Variants in CTNNA2 observed in about 807,000 individuals in gnomAD.
CTNNA2 encodes the protein catenin alpha-2.
CTNNA2 carries 42 observed loss-of-function variants against 101.0 expected under a neutral mutation model. The ratio of observed to expected loss-of-function variants is 0.42; its 90% CI spans 0.32 to 0.54. The LOEUF (loss-of-function observed/expected upper bound fraction) is 0.54. CTNNA2 is among the 20% of genes least tolerant of loss of function. The pLI is 0.14. For synonymous variants in CTNNA2, 450 were observed against 456.4 expected, an observed-to-expected ratio of 0.99 and a Z score of 0.18; for missense variants, 871 against 1,223.1, an observed-to-expected ratio of 0.71 and a Z score of 4.29.
intron 3 of CTNNA2, among the ~76,000 whole-genome samples, chr2:79,769,513 T>G (rs1336409370): frequency 6.6e-6 from 1 of 152,224 alleles, no homozygotes; most frequent in Admixed American, 6.5e-5. Flanking sequence ...GGATTATATA[T>G]ACCTGTTAAA....
In CTNNA2 at chr2:80,043,039, C is replaced by CTTT. The variant is rs1491375719; in HGVS notation, c.1056+133242_1056+133243insTTT. 1.7e-3 allele frequency among the ~76,000 whole-genome samples: 87 copies of CTTT among 50,466 alleles called. 13 individuals carry two copies. The highest frequency in any genetic ancestry group is 1.7e-3 in the Non-Finnish European group (44 of 26,018). The allele number at this position is 50,466 out of a possible 152,430, so 33.1% of individuals were successfully genotyped here. On this transcript the variant is annotated intron_variant, in intron 7 of 18. Coordinates refer to ENST00000402739, the MANE Select transcript of CTNNA2 (RefSeq NM_001282597.3). ...TTTCCCTTTCTTTCTTTCTTTCTTT[C>CTTT]CTTCTTTCTTTCTTTCTTTCTTTCT...
intron 7 of CTNNA2, among the ~76,000 whole-genome samples, chr2:80,343,960 C>T (rs1672474332): frequency 6.6e-6 from 1 of 152,100 alleles, no homozygotes. Context: ...CCTTTGGTAA[C>T]AAAACTTCTT....
Position 80,356,988 on chromosome 2 carries a change from G to A in CTNNA2, c.1057-36223G>A, listed in dbSNP as rs192149775. Among the ~76,000 whole-genome samples the A allele has an allele frequency of 2.0e-5, 3 of 152,342 alleles. No homozygotes were observed. The East Asian group carries it at 5.8e-4, about 29-fold the overall frequency. On this transcript the variant is annotated intron_variant, in intron 7 of 18. Coordinates refer to ENST00000402739, the MANE Select transcript of CTNNA2 (RefSeq NM_001282597.3). ...TTTGGATTGAATTTAGCTCACTGGA[G>A]AAGGTAGGAAGGTAGATAGCAGTGT... is the stretch of plus-strand genomic sequence containing the variant.
At chr2:79,612,294 G>A (rs1678327706) in intron 1 of CTNNA2, among the ~76,000 whole-genome samples, 1 of 152,126 alleles carries the variant, frequency 6.6e-6, no homozygotes. Context: ...TTGCTTTACT[G>A]TCAACTAAGG....
chr2:80,118,164 T>G (rs1324873887), intron 7 of CTNNA2, among the ~76,000 whole-genome samples: 2 of 152,226 alleles, frequency 1.3e-5, no homozygotes, highest in Non-Finnish European at 2.9e-5. Context: ...AAATTGGTAT[T>G]CTTTTGATGA....
At chr2:80,226,101 T>C (rs938443731) in intron 7 of CTNNA2, among the ~76,000 whole-genome samples, 2 of 152,192 alleles carry the variant, frequency 1.3e-5, no homozygotes, top group African/African-American at 4.8e-5. Flanking sequence ...CAGATGAGGA[T>C]TGAGATAATC....
intron 11 of CTNNA2, among the ~76,000 whole-genome samples, chr2:80,552,243 G>A (rs1692624606): frequency 6.6e-6 from 1 of 152,104 alleles, no homozygotes; most frequent in Non-Finnish European, 1.5e-5. Context: ...TACAGAGACA[G>A]GAAATGAGCA....
chr2:80,011,478 C>CAGTA (rs1693777287), intron 7 of CTNNA2, among the ~76,000 whole-genome samples: 3 of 152,132 alleles, frequency 2.0e-5, no homozygotes, highest in Admixed American at 2.0e-4. Flanking sequence ...GAGAGTCACA[C>CAGTA]AGTACATAGT....
chr2:79,577,984 C>G (rs995665344), intron 1 of CTNNA2, among the ~76,000 whole-genome samples: 1 of 152,084 alleles, frequency 6.6e-6, no homozygotes, highest in East Asian at 1.9e-4. Context: ...AAAGCTCATA[C>G]GTGTGAATGT....
At chr2:79,425,870 A>C (rs1573160282) in intron 4 of CTNNA2, among the ~76,000 whole-genome samples, 1 of 152,160 alleles carries the variant, frequency 6.6e-6, no homozygotes, top group South Asian at 2.1e-4. Flanking sequence ...GATAGTCTTC[A>C]TCATATGTTT....
At chr2:80,337,454 C>T (rs1427828872) in intron 7 of CTNNA2, among the ~76,000 whole-genome samples, 2 of 151,440 alleles carry the variant, frequency 1.3e-5, no homozygotes, top group East Asian at 3.9e-4. Context: ...TTTGACTACA[C>T]TCCCCCCCAC....
At chr2:80,233,589 TGACA>T (rs1483166618) in intron 7 of CTNNA2, among the ~76,000 whole-genome samples, 1 of 152,214 alleles carries the variant, frequency 6.6e-6, no homozygotes, top group Non-Finnish European at 1.5e-5. Context: ...ATCTGTGATG[TGACA>T]GACAGACTAA....
rs10595115 is a variant in CTNNA2 at position 80,149,774 on chromosome 2, T to TCACACACACA, written c.1056+240010_1056+240019dup. Among the ~76,000 whole-genome samples the TCACACACACA allele has an allele frequency of 6.1e-3, 881 of 143,368 alleles. 2 individuals are homozygous for TCACACACACA. The highest frequency in any genetic ancestry group is 0.012 in the East Asian group (56 of 4,736). The allele number at this position is 143,368 out of a possible 152,430, so 94.1% of individuals were successfully genotyped here. ...TCAGGGAATACTCGATTAGAATGGA[T>TCACACACACA]CACACACACACACACACACACACAC... On this transcript the variant is annotated intron_variant, in intron 7 of 18. Transcript: ENST00000402739.
intron 7 of CTNNA2, among the ~76,000 whole-genome samples, chr2:80,249,041 CTGCAG>C (rs1671555794): frequency 1.3e-5 from 2 of 152,080 alleles, no homozygotes; most frequent in East Asian, 3.9e-4. Context: ...TAGAAAGAGC[CTGCAG>C]TGCCCTTCTC....
intron 7 of CTNNA2, among the ~76,000 whole-genome samples, chr2:80,320,530 C>G (rs1678577572): frequency 6.6e-6 from 1 of 152,134 alleles, no homozygotes; most frequent in African/African-American, 2.4e-5. Context: ...TGAATTCACC[C>G]CCCGATGATT....
At chr2:79,505,087 C>T (rs1001800514) in exon 5 of CTNNA2, 1 of 152,292 alleles carries the variant, frequency 6.6e-6, no homozygotes, top group Non-Finnish European at 1.5e-5. Flanking sequence ...CTTCAAGGAC[C>T]ATGGGTTCTG....
chr2:79,706,184 G>A (rs1215059802), intron 2 of CTNNA2, among the ~76,000 whole-genome samples: 6 of 151,974 alleles, frequency 3.9e-5, no homozygotes, highest in Admixed American at 3.9e-4. Flanking sequence ...CTAACACGGT[G>A]AAACCCCGTC....
intron 18 of CTNNA2, among the ~76,000 whole-genome samples, chr2:80,624,652 A>AT (rs1024459995): frequency 5.3e-5 from 8 of 151,312 alleles, no homozygotes; most frequent in African/African-American, 9.8e-5. Flanking sequence ...TTCTGTATTT[A>AT]TTTTTTTTAT....
chr2:79,645,796 C>T (rs1214037816), intron 1 of CTNNA2, among the ~76,000 whole-genome samples: 1 of 152,204 alleles, frequency 6.6e-6, no homozygotes, highest in Non-Finnish European at 1.5e-5. Flanking sequence ...CCTTGTTTTA[C>T]AAACAATGAA....
Sources: gnomAD v4.1 joint callset for allele counts (sites outside exome capture counted in the v4.1 genomes callset) on GRCh38, gnomAD v4.1.1 for gene constraint, MANE v1.5 for transcripts, NCBI Gene and HGNC (gene_info 2026-07-23, HGNC 2026-07-21) for gene names.